Variants in GAS7 observed in about 807,000 individuals in gnomAD.
The protein encoded by GAS7 is growth arrest specific 7.
In GAS7, 28 loss-of-function variants were observed where a neutral mutation model predicts 71.1. That is an observed-to-expected ratio of 0.39 (90% CI 0.29 to 0.54). GAS7 has a LOEUF of 0.54. Ranked by LOEUF, GAS7 falls within the 20% of genes least tolerant of loss-of-function variation. The probability of loss-of-function intolerance (pLI) is 0.62; values close to 1 mark genes in which losing one functional copy is unlikely to be tolerated. For synonymous variants in GAS7, 258 were observed against 245.8 expected (o/e 1.05, Z -0.46); for missense variants, 436 against 627.8 (o/e 0.69, Z 3.27).
At chr17:9,982,858 A>G (rs1219354998) in intron 2 of GAS7, among the ~76,000 whole-genome samples, 2 of 149,750 alleles carry the variant, frequency 1.3e-5, no homozygotes, top group African/African-American at 4.9e-5. Context: ...AGAAAGAAAG[A>G]AAGAAAGAAA....
At chr17:9,927,201 C>T (rs1237693869) in intron 9 of GAS7, among the ~76,000 whole-genome samples, 1 of 150,880 alleles carries the variant, frequency 6.6e-6, no homozygotes, top group Non-Finnish European at 1.5e-5. Flanking sequence ...GTAATCCCAG[C>T]ACTTTGGGAG....
intron 1 of GAS7, among the ~76,000 whole-genome samples, chr17:10,052,777 G>C (rs75530600): frequency 4.6e-5 from 7 of 152,296 alleles, no homozygotes; most frequent in South Asian, 2.1e-4. Context: ...TAGTGGGCCA[G>C]GCTCCTCACT....
intron 1 of GAS7, among the ~76,000 whole-genome samples, chr17:10,042,145 A>G (rs1350269537): frequency 6.6e-6 from 1 of 152,022 alleles, no homozygotes; most frequent in Non-Finnish European, 1.5e-5. Flanking sequence ...AAATACGAAA[A>G]TTAGCTGGGC....
At chr17:10,196,857 G>A (rs1316392308) in intron 1 of GAS7, among the ~76,000 whole-genome samples, 1 of 152,122 alleles carries the variant, frequency 6.6e-6, no homozygotes. Context: ...TCCGAATCTC[G>A]GGAAAGGAAC....
At chr17:10,137,943 T>C (rs1291055461) in intron 1 of GAS7, among the ~76,000 whole-genome samples, 5 of 151,986 alleles carry the variant, frequency 3.3e-5, no homozygotes, top group Admixed American at 3.3e-4. Flanking sequence ...GGTCCCTTCA[T>C]TTTATACTTT....
rs2069381883 is a variant in GAS7, at chr17:9,959,292, C to T, written c.472-37G>A. 6.2e-7 allele frequency: 1 copy of T among 1,613,952 alleles called. No homozygotes were observed. Among genetic ancestry groups the T allele is most frequent in the South Asian group, 1.1e-5 (1 of 91,014 alleles). Reference sequence around the variant, plus strand: ...GGCAAGAAACATCGTCAAAGCTGTTCTCCATATTGGACATTTTTTCCCCCC... The same window carrying T: ...GGCAAGAAACATCGTCAAAGCTGTTTTCCATATTGGACATTTTTTCCCCCC... On this transcript the variant is annotated intron_variant, in intron 4 of 13. Coordinates refer to ENST00000432992, the MANE Select transcript of GAS7 (RefSeq NM_201433.2). The surrounding 1 kb of genome is among the most constrained non-coding windows in gnomAD (Gnocchi z 5.0).
At chr17:10,118,464 A>G (rs1479396944) in intron 1 of GAS7, among the ~76,000 whole-genome samples, 1 of 152,046 alleles carries the variant, frequency 6.6e-6, no homozygotes, top group African/African-American at 2.4e-5. Context: ...TAATCCCAAC[A>G]CTTTGGGAGG....
At chr17:9,978,603 T>C (rs926973153) in intron 3 of GAS7, among the ~76,000 whole-genome samples, 1 of 150,662 alleles carries the variant, frequency 6.6e-6, no homozygotes, top group African/African-American at 2.4e-5. Flanking sequence ...GCTTGAGCCC[T>C]GGAGGAGGAG....
intron 1 of GAS7, among the ~76,000 whole-genome samples, chr17:10,107,805 G>C (rs546266963): frequency 6.7e-6 from 1 of 150,174 alleles, no homozygotes; most frequent in East Asian, 2.0e-4. Flanking sequence ...GGCTGGGCAG[G>C]AGAACCGCCT....
At chr17:10,105,823 G>A (rs920038077) in intron 1 of GAS7, among the ~76,000 whole-genome samples, 10 of 152,072 alleles carry the variant, frequency 6.6e-5, no homozygotes, top group African/African-American at 1.4e-4. Context: ...AAGTATACTC[G>A]TGAGATCAGG....
Position 9,981,846 on chromosome 17 carries a change from GAAT to G in GAS7, c.340_342del (p.Ile114del). ...CTCCTGTGAGAGCCAGGGCTGGCTG[GAAT>G]CCCAGGAGAACTGCTGGGACGTTCC... On this transcript the variant is annotated inframe_deletion, in exon 3 of 14. Transcript: ENST00000432992. This position sits in a 1 kb window ranked among gnomAD's most constrained non-coding sequence, Gnocchi z 4.4. 1.2e-6 allele frequency: 2 copies of G among 1,606,144 alleles called. No individual in the cohort carries two copies. Among genetic ancestry groups the G allele is most frequent in the Non-Finnish European group, 1.7e-6 (2 of 1,172,670 alleles).
intron 3 of GAS7, among the ~76,000 whole-genome samples, chr17:9,975,342 C>T (rs1109034): frequency 2.6e-5 from 3 of 114,920 alleles, no homozygotes; most frequent in East Asian, 2.0e-4. Context: ...GCAACAAGTG[C>T]GAAACTGTCT....
chr17:10,042,265 G>C (rs1043971083), intron 1 of GAS7, among the ~76,000 whole-genome samples: 4 of 148,206 alleles, frequency 2.7e-5, no homozygotes, highest in Admixed American at 1.4e-4. Flanking sequence ...ACCGCACTCC[G>C]GCCTGGGTGA....
At chr17:10,165,314 AAAC>A (rs945314028) in intron 1 of GAS7, among the ~76,000 whole-genome samples, 1 of 150,910 alleles carries the variant, frequency 6.6e-6, no homozygotes, top group Non-Finnish European at 1.5e-5. Context: ...AAAAAAAAGA[AAAC>A]AAAAGAAAAG....
At chr17:9,920,880 T>C (rs1053261138) in intron 11 of GAS7, among the ~76,000 whole-genome samples, 9 of 152,330 alleles carry the variant, frequency 5.9e-5, no homozygotes, top group Middle Eastern at 3.4e-3. Context: ...AGAGTCAAAG[T>C]GACTCCTATA....
At chr17:10,083,467 G>A (rs1288571379) in intron 1 of GAS7, among the ~76,000 whole-genome samples, 1 of 152,230 alleles carries the variant, frequency 6.6e-6, no homozygotes, top group East Asian at 1.9e-4. Flanking sequence ...GGGACTTCTG[G>A]CTGGCGATGC....
rs931457299 is a variant in GAS7, at chr17:9,915,180, C to G, written c.*2048G>C. ...AGCTACCCTGGAAGACGCAAGAGGGCTCACTCTATCCCAGGGATGAACAGA... is the reference window on the plus strand; with the variant it reads ...AGCTACCCTGGAAGACGCAAGAGGGGTCACTCTATCCCAGGGATGAACAGA... On this transcript the variant is annotated 3_prime_UTR_variant, in exon 14 of 14. Coordinates refer to ENST00000432992, the MANE Select transcript of GAS7 (RefSeq NM_201433.2). 8.6e-6 allele frequency: 2 copies of G among 231,290 alleles called. No homozygotes were observed. Among genetic ancestry groups the G allele is most frequent in the Admixed American group, 1.1e-4 (2 of 17,716 alleles). 14.3% of individuals were successfully genotyped at this position (231,290 alleles called of 1,614,324 possible).
Position 10,124,165 on chromosome 17 carries a change from G to A in GAS7, c.183+74043C>T, listed in dbSNP as rs1001482263. Among the ~76,000 whole-genome samples the A allele has an allele frequency of 8.5e-5, 13 of 152,356 alleles. 1 individual carries two copies. The highest frequency in any genetic ancestry group is 3.9e-4 in the East Asian group (2 of 5,172). ...CTGTGCCTGGGCGGGCTCCCCGCGC[G>A]GCTCCCAGCTCCAACCAGCCCCTCG... On this transcript the variant is annotated intron_variant, in intron 1 of 13. Transcript: ENST00000432992.
intron 1 of GAS7, among the ~76,000 whole-genome samples, chr17:10,124,507 T>C (rs2073929584): frequency 6.6e-6 from 1 of 152,188 alleles, no homozygotes; most frequent in African/African-American, 2.4e-5. Flanking sequence ...AGCACACCAT[T>C]TGCAGGTGGC....
Sources: allele counts gnomAD v4.1 joint callset (sites outside exome capture counted in the v4.1 genomes callset), GRCh38; gene constraint gnomAD v4.1.1; non-coding constraint Gnocchi (gnomAD v3.1); transcripts MANE v1.5; gene names NCBI Gene and HGNC (gene_info 2026-07-23, HGNC 2026-07-21).